Variants in MIPOL1 observed in about 807,000 individuals in gnomAD.
MIPOL1 encodes mirror-image polydactyly 1.
Under a neutral mutation model 60.9 loss-of-function variants are expected in MIPOL1, and 57 were observed. That is an observed-to-expected ratio of 0.94 (90% CI 0.76 to 1.17). MIPOL1 has a LOEUF of 1.17. Ranked by LOEUF, MIPOL1 falls within the 50% of genes most tolerant of loss-of-function variation. The pLI is 0.00. For missense variants in MIPOL1, 551 were observed against 511.6 expected (o/e 1.08, Z -0.74); for synonymous variants, 179 against 168.8 (o/e 1.06, Z -0.47).
At chr14:37,393,927 T>TA (rs1445512104) in intron 10 of MIPOL1, among the ~76,000 whole-genome samples, 1 of 150,856 alleles carries the variant, frequency 6.6e-6, no homozygotes, top group Non-Finnish European at 1.5e-5. Flanking sequence ...AGCTTCCACT[T>TA]ATCAGTGAGA....
chr14:37,269,145 A>AT (rs1039662917), intron 5 of MIPOL1, among the ~76,000 whole-genome samples: 5 of 151,568 alleles, frequency 3.3e-5, no homozygotes, highest in East Asian at 1.9e-4. Context: ...TACTATCTTA[A>AT]TTTTTTTTTC....
intron 12 of MIPOL1, among the ~76,000 whole-genome samples, chr14:37,523,866 T>A (rs574309620): frequency 4.7e-4 from 71 of 152,206 alleles, no homozygotes; most frequent in African/African-American, 1.6e-3. Context: ...CAGATTAAGA[T>A]TTGTGGTAAG....
intron 12 of MIPOL1, 41 bp from the exon 13 acceptor site, chr14:37,546,864 C>CT (rs753865388): frequency 1.2e-5 from 19 of 1,547,898 alleles, no homozygotes; most frequent in Non-Finnish European, 1.7e-5. Flanking sequence ...AATAATTGCC[C>CT]TTTTTTTCCC....
chr14:37,426,697 A>G (rs1161106133), intron 11 of MIPOL1, among the ~76,000 whole-genome samples: 1 of 149,472 alleles, frequency 6.7e-6, no homozygotes, highest in Non-Finnish European at 1.5e-5. Flanking sequence ...AGCTGAAGAG[A>G]CAGGAGATTG....
chr14:37,479,271 T>C (rs996400281), intron 11 of MIPOL1, among the ~76,000 whole-genome samples: 7 of 152,082 alleles, frequency 4.6e-5, no homozygotes, highest in African/African-American at 1.7e-4. Flanking sequence ...CATGGAACAT[T>C]CTCCAGGATA....
intron 9 of MIPOL1, among the ~76,000 whole-genome samples, chr14:37,309,227 C>G (rs942912367): frequency 1.3e-5 from 2 of 151,910 alleles, no homozygotes; most frequent in Non-Finnish European, 2.9e-5. Flanking sequence ...CTCGACCTCC[C>G]AAAGTGTTGG....
chr14:37,499,957 T>TA lies in MIPOL1; in HGVS notation c.1082dup (p.Tyr361Ter). ...AGAAAATCTGAAGGATCAGTTTAAC[T>TA]ATACCCTTAGTACATATGAAGAAGC... ...QEENLKDQFNYTLSTYEEALK... is the reference protein window; with the variant it reads ...QEENLKDQFN The change falls in exon 12 of 13, where the codon TAT becomes TAAT. Residue 361 changes from tyrosine (Y) to a stop codon, truncating the protein, a stop_gained and frameshift_variant. Coordinates refer to ENST00000684589, the MANE Select transcript of MIPOL1 (RefSeq NM_001388067.1). LOFTEE classifies it high-confidence loss of function. The TA allele has an allele frequency of 6.2e-7, 1 of 1,611,050 alleles. No individual in the cohort carries two copies. The highest frequency in any genetic ancestry group is 8.5e-7 in the Non-Finnish European group (1 of 1,177,724).
chr14:37,439,628 C>T (rs541839541), intron 11 of MIPOL1, among the ~76,000 whole-genome samples: 6 of 152,200 alleles, frequency 3.9e-5, no homozygotes, highest in East Asian at 1.9e-4. Flanking sequence ...TCTACACGTA[C>T]GCATCACTTG....
chr14:37,515,674 T>C (rs1350600599), intron 12 of MIPOL1, among the ~76,000 whole-genome samples: 2 of 152,210 alleles, frequency 1.3e-5, no homozygotes, highest in East Asian at 1.9e-4. Context: ...AGCTAAGTTA[T>C]GTGTATTTCA....
chr14:37,481,161 A>G (rs2094857304), intron 11 of MIPOL1, among the ~76,000 whole-genome samples: 1 of 152,124 alleles, frequency 6.6e-6, no homozygotes, highest in Admixed American at 6.6e-5. Context: ...CACAAAAAAC[A>G]AATACAGTAA....
chr14:37,269,815 G>T (rs1295528957), intron 5 of MIPOL1, among the ~76,000 whole-genome samples: 3 of 152,086 alleles, frequency 2.0e-5, no homozygotes, highest in Non-Finnish European at 4.4e-5. Flanking sequence ...GACTGCTTTT[G>T]CAGTAGTCAT....
Position 37,549,519 on chromosome 14 carries a change from G to A in MIPOL1, c.*2548G>A, listed in dbSNP as rs1177453026. 1 of 151,684 alleles carries A rather than the reference G, an allele frequency of 6.6e-6. No individual in the cohort carries two copies. The highest frequency in any genetic ancestry group is 1.5e-5 in the Non-Finnish European group (1 of 67,762). The allele number at this position is 151,684 out of a possible 1,614,324, so 9.4% of individuals were successfully genotyped here. A position where few individuals can be genotyped will look rare whatever the true frequency, so the allele number is the denominator to read the frequency against. ...TCAGTAAGCCTTGGAATTTGCCAAG[G>A]ACTGGCTAGGACCTAGAACTAAGAT... On this transcript the variant is annotated 3_prime_UTR_variant, in exon 13 of 13. Transcript: ENST00000684589.
At chr14:37,206,295 G>A (rs747065902) in intron 1 of MIPOL1, among the ~76,000 whole-genome samples, 1 of 152,228 alleles carries the variant, frequency 6.6e-6, no homozygotes, top group Non-Finnish European at 1.5e-5. Context: ...TCAGGCCATG[G>A]CTTCAGAGTG....
chr14:37,308,013 A>G (rs1221686137), intron 7 of MIPOL1, 43 bp from the exon 8 acceptor site: 3 of 1,572,280 alleles, frequency 1.9e-6, no homozygotes, highest in Non-Finnish European at 2.6e-6. Context: ...TGCTGCACTA[A>G]GGAAATGCTA....
intron 12 of MIPOL1, among the ~76,000 whole-genome samples, chr14:37,510,252 T>C (rs1330209439): frequency 6.6e-6 from 1 of 152,040 alleles, no homozygotes; most frequent in East Asian, 1.9e-4. Context: ...GTTTTGGTTT[T>C]GGGGGTTTTT....
At chr14:37,541,980 C>T (rs934723935) in intron 12 of MIPOL1, among the ~76,000 whole-genome samples, 7 of 152,202 alleles carry the variant, frequency 4.6e-5, no homozygotes, top group South Asian at 2.1e-4. Context: ...TTCAGCCATA[C>T]GTCCCCTTGT....
intron 11 of MIPOL1, among the ~76,000 whole-genome samples, chr14:37,487,503 C>A (rs1342609405): frequency 6.6e-6 from 1 of 152,124 alleles, no homozygotes; most frequent in African/African-American, 2.4e-5. Context: ...TAATTACTGA[C>A]TCAATTTCAG....
chr14:37,293,772 G>A (rs970236410), intron 7 of MIPOL1, among the ~76,000 whole-genome samples: 3 of 152,168 alleles, frequency 2.0e-5, no homozygotes, highest in Non-Finnish European at 4.4e-5. Context: ...GGGGGTGCCC[G>A]CCATTGCTCA....
At chr14:37,379,137 G>A (rs2092857033) in intron 10 of MIPOL1, among the ~76,000 whole-genome samples, 1 of 151,994 alleles carries the variant, frequency 6.6e-6, no homozygotes, top group Non-Finnish European at 1.5e-5. Context: ...GAACAGAATT[G>A]AGAGTCCAGA....
Sources: allele counts gnomAD v4.1 joint callset (sites outside exome capture counted in the v4.1 genomes callset), GRCh38; gene constraint gnomAD v4.1.1; transcripts MANE v1.5; gene names NCBI Gene and HGNC (gene_info 2026-07-23, HGNC 2026-07-21).